Variants in NRP2 observed in about 807,000 individuals in gnomAD.
The protein encoded by NRP2 is neuropilin 2, also known as neuropilin-2.
NRP2 carries 52 observed loss-of-function variants against 110.4 expected under a neutral mutation model. That is an observed-to-expected ratio of 0.47 (90% confidence interval 0.38 to 0.59). The LOEUF (loss-of-function observed/expected upper bound fraction) is 0.59. NRP2 is among the 20% of genes least tolerant of loss of function. The pLI is 0.00. For synonymous variants in NRP2, 508 were observed against 468.9 expected (o/e 1.08, Z -1.08); for missense variants, 1,049 against 1,203.0 (o/e 0.87, Z 1.89).
At chr2:205,764,720 G>A (rs1225838031) in intron 13 of NRP2, among the ~76,000 whole-genome samples, 3 of 152,218 alleles carry the variant, frequency 2.0e-5, no homozygotes, top group Non-Finnish European at 4.4e-5. Context: ...ACAGAGCCGA[G>A]GGGCTTCTGT....
chr2:205,685,630 C>T (rs555082655), intron 1 of NRP2, among the ~76,000 whole-genome samples: 1 of 152,348 alleles, frequency 6.6e-6, no homozygotes, highest in East Asian at 1.9e-4. Context: ...CAGGCTGCCC[C>T]TCTCCTCACT....
At position 205,796,405 on chromosome 2, in the gene NRP2, C is replaced by A. The variant is rs1391789828; in HGVS notation, c.*1347C>A. The A allele has an allele frequency of 6.6e-6, 1 of 152,640 alleles. No homozygotes were observed. Among genetic ancestry groups the A allele is most frequent in the Non-Finnish European group, 1.5e-5 (1 of 68,080 alleles). 9.5% of individuals were successfully genotyped at this position (152,640 alleles called of 1,614,324 possible). ...AGACCTAGGTTCTTACACATATGCA[C>A]ACACGCATACACACATGCACGCACA... On this transcript the variant is annotated 3_prime_UTR_variant, in exon 17 of 17. Transcript: ENST00000357785.
intron 3 of NRP2, 143 bp from the exon 4 acceptor site, chr2:205,722,335 A>G (rs2057037402): frequency 1.4e-6 from 1 of 710,524 alleles, no homozygotes; most frequent in Non-Finnish European, 2.5e-6. Flanking sequence ...TGTGAAGAGT[A>G]TGTTGCTTCA....
At chr2:205,690,077 C>T (rs2056276701) in intron 1 of NRP2, among the ~76,000 whole-genome samples, 1 of 152,226 alleles carries the variant, frequency 6.6e-6, no homozygotes, top group Admixed American at 6.5e-5. Context: ...CTCCCGCCTC[C>T]ACAAATCCTG....
intron 13 of NRP2, among the ~76,000 whole-genome samples, chr2:205,765,149 G>A (rs1158432182): frequency 2.0e-5 from 3 of 152,086 alleles, no homozygotes; most frequent in Non-Finnish European, 4.4e-5. Flanking sequence ...AAAATAGTGA[G>A]GGAAGTTTCA....
In NRP2 at chr2:205,715,302, A is replaced by T. The variant is rs566659515; in HGVS notation, c.252-891A>T. ...CCTTCCCATGAACGGAGCCAAGGGT[A>T]TCTTTGAGGTGCCTGCTTCCCAGCC... On this transcript the variant is annotated intron_variant, in intron 2 of 16. Transcript: ENST00000357785. Among the ~76,000 whole-genome samples, 155 of 152,180 alleles carry T rather than the reference A, an allele frequency of 1.0e-3. 1 individual carries two copies. The highest frequency in any genetic ancestry group is 2.5e-3 in the Admixed American group (38 of 15,300).
chr2:205,762,734 G>A lies in NRP2; in HGVS notation c.2045-940G>A, dbSNP rs1575646408. Among the ~76,000 whole-genome samples, 6 of 152,276 alleles carry A rather than the reference G, an allele frequency of 3.9e-5. 1 individual carries two copies. Among genetic ancestry groups the A allele is most frequent in the Admixed American group, 3.9e-4 (6 of 15,304 alleles). ...TGCCACCTTGTTCTCTGTACAAGTGGCCAGAATGGTCCTGTACAAGTTGGA... is the reference window on the plus strand; with the variant it reads ...TGCCACCTTGTTCTCTGTACAAGTGACCAGAATGGTCCTGTACAAGTTGGA... On this transcript the variant is annotated intron_variant, in intron 12 of 16. Coordinates refer to ENST00000357785, the MANE Select transcript of NRP2 (RefSeq NM_003872.3).
At chr2:205,754,940 T>G (rs559463063) in intron 12 of NRP2, among the ~76,000 whole-genome samples, 1 of 152,300 alleles carries the variant, frequency 6.6e-6, no homozygotes, top group South Asian at 2.1e-4. Context: ...ATTCTAATGA[T>G]TCTGGCCTCC....
At chr2:205,690,978 G>C (rs2056302792) in intron 1 of NRP2, among the ~76,000 whole-genome samples, 1 of 152,098 alleles carries the variant, frequency 6.6e-6, no homozygotes, top group Non-Finnish European at 1.5e-5. Flanking sequence ...ACAGCTGGGG[G>C]TGGGGAGGGA....
rs1261364147 is a variant in NRP2 at position 205,731,536 on chromosome 2, A to T, written c.1146+3490A>T. 2.6e-5 allele frequency among the ~76,000 whole-genome samples: 4 copies of T among 152,322 alleles called. 1 individual carries two copies. In the South Asian group the frequency reaches 6.2e-4, roughly 24 times the overall value. The stretch of plus-strand genomic sequence containing the variant: ...CTCGGGAATGGAACCACAGCTGGTG[A>T]CAGGACACGGGGGAGAGAGACTACT... On this transcript the variant is annotated intron_variant, in intron 7 of 16. Coordinates refer to ENST00000357785, the MANE Select transcript of NRP2 (RefSeq NM_003872.3).
chr2:205,740,549 G>C lies in NRP2; in HGVS notation c.1177G>C (p.Val393Leu). ...VFQANNDATE[V>L]VLNKLHAPLL... is the part of the protein sequence containing the mutation. Reference sequence around the variant, plus strand: ...TCAAGCCAACAACGATGCAACTGAGGTGGTTCTGAACAAGCTCCACGCTCC... The same window carrying C: ...TCAAGCCAACAACGATGCAACTGAGCTGGTTCTGAACAAGCTCCACGCTCC... Residue 393 changes from valine (V) to leucine (L), a missense_variant, in exon 8 of 17, where the codon GTG becomes CTG. Physicochemically the swap from Val to Leu is conservative, Grantham distance 32 (BLOSUM62 1). Coordinates refer to ENST00000357785, the MANE Select transcript of NRP2 (RefSeq NM_003872.3). The C allele has an allele frequency of 6.2e-7, 1 of 1,614,194 alleles. No individual in the cohort carries two copies. The highest frequency in any genetic ancestry group is 1.1e-5 in the South Asian group (1 of 91,068).
chr2:205,698,993 A>T (rs2056496497), intron 2 of NRP2, among the ~76,000 whole-genome samples: 1 of 152,222 alleles, frequency 6.6e-6, no homozygotes, highest in Non-Finnish European at 1.5e-5. Flanking sequence ...AATTGATGTC[A>T]TTATTATCCC....
At chr2:205,705,614 T>C (rs1391281125) in intron 2 of NRP2, among the ~76,000 whole-genome samples, 1 of 152,224 alleles carries the variant, frequency 6.6e-6, no homozygotes, top group Non-Finnish European at 1.5e-5. Flanking sequence ...CAAACATTTA[T>C]TGAACTCTTG....
chr2:205,693,648 G>T (rs541350872), intron 1 of NRP2, among the ~76,000 whole-genome samples: 1 of 152,346 alleles, frequency 6.6e-6, no homozygotes, highest in South Asian at 2.1e-4. Context: ...TGAGTTAAGA[G>T]TTGGGTGCCA....
At position 205,763,527 on chromosome 2, in the gene NRP2, G is replaced by C; in HGVS notation, c.2045-147G>C. 3.8e-6 allele frequency: 4 copies of C among 1,043,462 alleles called. No individual in the cohort carries two copies. The highest frequency in any genetic ancestry group is 3.6e-5 in the Admixed American group (2 of 55,522). 64.6% of individuals were successfully genotyped at this position (1,043,462 alleles called of 1,614,324 possible). ...AAGGCTCTGAAGGAGCCTTAAGAAA[G>C]GGTCACAGAGCCTGGAGAACAAGGA... On this transcript the variant is annotated intron_variant, in intron 12 of 16. Transcript: ENST00000357785. The surrounding 1 kb of genome is among the most constrained non-coding windows in gnomAD (Gnocchi z 4.0).
At chr2:205,777,642 A>G (rs529849464) in intron 15 of NRP2, 2 of 152,336 alleles carry the variant, frequency 1.3e-5, no homozygotes, top group East Asian at 1.9e-4. Context: ...GTTAAAAAAC[A>G]TATACTTTGG....
intron 2 of NRP2, among the ~76,000 whole-genome samples, chr2:205,706,024 C>G (rs547462930): frequency 1.3e-5 from 2 of 151,952 alleles, no homozygotes; most frequent in African/African-American, 2.4e-5. Context: ...CTCAGTCCAT[C>G]GTCTCTCTCT....
At chr2:205,731,617 C>T (rs1055104117) in intron 7 of NRP2, among the ~76,000 whole-genome samples, 16 of 152,154 alleles carry the variant, frequency 1.1e-4, no homozygotes, top group Admixed American at 5.9e-4. Flanking sequence ...ATTCGGTAAA[C>T]GTGGGGATCT....
intron 7 of NRP2, among the ~76,000 whole-genome samples, chr2:205,736,936 G>A (rs976110581): frequency 6.6e-6 from 1 of 152,180 alleles, no homozygotes; most frequent in African/African-American, 2.4e-5. Context: ...ATATATGATA[G>A]CATTTACTAG....
Sources: gnomAD v4.1 joint callset for allele counts (sites outside exome capture counted in the v4.1 genomes callset) on GRCh38, gnomAD v4.1.1 for gene constraint, Gnocchi (gnomAD v3.1) non-coding constraint, MANE v1.5 for transcripts, NCBI Gene and HGNC (gene_info 2026-07-23, HGNC 2026-07-21) for gene names.